EYS: variants seen among roughly 807,000 people sequenced by gnomAD.
EYS encodes the protein protein eyes shut homolog.
A neutral mutation model predicts 282.1 loss-of-function variants in EYS; 250 were observed. That is an observed-to-expected ratio of 0.89 (90% CI 0.80 to 0.98). The LOEUF (loss-of-function observed/expected upper bound fraction) is 0.98. Among genes scored for constraint, EYS ranks in the 50% least tolerant of loss-of-function variants. The pLI, the probability that EYS is intolerant of heterozygous loss-of-function variation, is 0.00. For synonymous variants in EYS, 1,355 were observed against 1,282.9 expected (o/e 1.06, Z -1.20); for missense variants, 4,016 against 3,709.0 (o/e 1.08, Z -2.15).
intron 2 of EYS, among the ~76,000 whole-genome samples, chr6:65,615,976 T>C (rs1160025693): frequency 1.3e-5 from 2 of 151,548 alleles, no homozygotes; most frequent in Non-Finnish European, 2.9e-5. Context: ...TATCAAATAG[T>C]ATGAACACAA....
At chr6:65,510,159 T>C (rs1234527615) in intron 2 of EYS, among the ~76,000 whole-genome samples, 1 of 141,216 alleles carries the variant, frequency 7.1e-6, no homozygotes, top group Non-Finnish European at 1.5e-5. Flanking sequence ...CTCCCAATGC[T>C]ATCCCTCCCC....
intron 8 of EYS, among the ~76,000 whole-genome samples, chr6:65,362,216 G>T (rs1046457819): frequency 6.6e-6 from 1 of 152,008 alleles, no homozygotes; most frequent in South Asian, 2.1e-4. Context: ...GGTATTTATT[G>T]TAAGTATGCT....
intron 19 of EYS, among the ~76,000 whole-genome samples, chr6:64,877,553 G>A (rs1281104124): frequency 6.6e-6 from 1 of 152,138 alleles, no homozygotes; most frequent in East Asian, 1.9e-4. Flanking sequence ...AACATGGAGT[G>A]CAAGTTTACA....
At chr6:65,598,296 CT>C (rs1209437943) in intron 2 of EYS, among the ~76,000 whole-genome samples, 1 of 129,868 alleles carries the variant, frequency 7.7e-6, no homozygotes, top group Non-Finnish European at 1.5e-5. Context: ...GTACTTCCTT[CT>C]TTTTTTTCTC....
intron 26 of EYS, among the ~76,000 whole-genome samples, chr6:64,578,408 T>G (rs1338689367): frequency 2.0e-5 from 3 of 152,088 alleles, no homozygotes; most frequent in African/African-American, 7.2e-5. Flanking sequence ...TTTTGCTCTG[T>G]GGGCTTTTCT....
chr6:64,093,026 C>A (rs539020702), intron 31 of EYS, among the ~76,000 whole-genome samples: 35 of 152,150 alleles, frequency 2.3e-4, no homozygotes, highest in African/African-American at 6.7e-4. Context: ...TTCCCCATTG[C>A]TTGTTTTTCT....
chr6:65,471,678 G>A (rs1582340496), intron 5 of EYS, among the ~76,000 whole-genome samples: 1 of 151,976 alleles, frequency 6.6e-6, no homozygotes, highest in South Asian at 2.1e-4. Context: ...TAAAATAAAT[G>A]ATATGGAAAA....
intron 30 of EYS, among the ~76,000 whole-genome samples, chr6:64,280,396 A>G (rs1768264170): frequency 6.6e-6 from 1 of 152,122 alleles, no homozygotes; most frequent in Non-Finnish European, 1.5e-5. Context: ...TTCCAGCTCA[A>G]AAATTCTATT....
At chr6:64,152,297 C>A (rs1234217414) in intron 31 of EYS, among the ~76,000 whole-genome samples, 1 of 152,070 alleles carries the variant, frequency 6.6e-6, no homozygotes, top group Non-Finnish European at 1.5e-5. Flanking sequence ...AAAGTGATAA[C>A]AAATTTGAAA....
chr6:63,805,159 T>C (rs1157892088), intron 37 of EYS, among the ~76,000 whole-genome samples: 3 of 152,158 alleles, frequency 2.0e-5, no homozygotes, highest in African/African-American at 7.2e-5. Flanking sequence ...TCTGTTACAA[T>C]ATGTTGATCT....
chr6:64,301,010 C>T (rs1382101564), intron 30 of EYS, among the ~76,000 whole-genome samples: 3 of 152,196 alleles, frequency 2.0e-5, no homozygotes, highest in African/African-American at 7.2e-5. Flanking sequence ...GTTTTACTAG[C>T]AGCCCCAACA....
chr6:65,251,340 T>G (rs1047066451), intron 12 of EYS, among the ~76,000 whole-genome samples: 4 of 151,630 alleles, frequency 2.6e-5, no homozygotes, highest in Non-Finnish European at 4.4e-5. Flanking sequence ...TAAAATAAAC[T>G]ATAAAATAGT....
At chr6:65,246,032 T>A (rs1267779971) in intron 12 of EYS, among the ~76,000 whole-genome samples, 1 of 152,098 alleles carries the variant, frequency 6.6e-6, no homozygotes, top group African/African-American at 2.4e-5. Context: ...CCTAGTACAG[T>A]AGACAGGAAG....
At chr6:65,558,628 A>G (rs1768910999) in intron 2 of EYS, among the ~76,000 whole-genome samples, 1 of 152,236 alleles carries the variant, frequency 6.6e-6, no homozygotes, top group Non-Finnish European at 1.5e-5. Flanking sequence ...CAGATGGGCC[A>G]CCACTGCCAC....
intron 13 of EYS, among the ~76,000 whole-genome samples, chr6:65,050,334 A>G (rs1773233360): frequency 6.6e-6 from 1 of 151,640 alleles, no homozygotes; most frequent in African/African-American, 2.4e-5. Context: ...TATTTGCTCC[A>G]TATTTACTGT....
chr6:64,508,343 G>A (rs1777277365), intron 26 of EYS, among the ~76,000 whole-genome samples: 1 of 151,778 alleles, frequency 6.6e-6, no homozygotes, highest in Non-Finnish European at 1.5e-5. Context: ...GCCATGCAGA[G>A]TAACTCAAAC....
intron 35 of EYS, among the ~76,000 whole-genome samples, chr6:63,924,776 A>G (rs575657526): frequency 6.6e-6 from 1 of 152,258 alleles, no homozygotes; most frequent in Non-Finnish European, 1.5e-5. Flanking sequence ...TGAATAAACT[A>G]GATTTTCAAA....
intron 26 of EYS, among the ~76,000 whole-genome samples, chr6:64,449,951 A>T (rs1775264271): frequency 6.6e-6 from 1 of 152,128 alleles, no homozygotes; most frequent in African/African-American, 2.4e-5. Context: ...GCACCAACTA[A>T]CGAGCAAAAT....
chr6:64,892,963 T>C (rs920307533), intron 18 of EYS, among the ~76,000 whole-genome samples: 1 of 152,110 alleles, frequency 6.6e-6, no homozygotes, highest in Non-Finnish European at 1.5e-5. Context: ...TTGTTGGTAA[T>C]GATCTCGCTA....
Sources: gnomAD v4.1 joint callset for allele counts (sites outside exome capture counted in the v4.1 genomes callset) on GRCh38, gnomAD v4.1.1 for gene constraint, MANE v1.5 for transcripts, NCBI Gene and HGNC (gene_info 2026-07-23, HGNC 2026-07-21) for gene names.